The following MACROD2 variants were observed in gnomAD, a reference collection of about 807,000 sequenced individuals.
MACROD2 encodes the protein mono-ADP ribosylhydrolase 2.
Under a neutral mutation model 70.4 loss-of-function variants are expected in MACROD2, and 36 were observed. That is an observed-to-expected ratio of 0.51 (90% confidence interval 0.39 to 0.68). The LOEUF (loss-of-function observed/expected upper bound fraction) is 0.68, where lower values mean the gene tolerates loss of function less well. Among genes scored for constraint, MACROD2 ranks in the 30% least tolerant of loss-of-function variants. The probability of loss-of-function intolerance (pLI) is 0.00; values close to 1 mark genes in which losing one functional copy is unlikely to be tolerated. For synonymous variants in MACROD2, 172 were observed against 178.8 expected, an observed-to-expected ratio of 0.96 and a Z score of 0.30; for missense variants, 496 against 538.4, an observed-to-expected ratio of 0.92 and a Z score of 0.78.
intron 5 of MACROD2, among the ~76,000 whole-genome samples, chr20:15,048,798 C>CCCAT (rs1327287477): frequency 1.3e-5 from 2 of 152,030 alleles, no homozygotes; most frequent in African/African-American, 4.8e-5. Context: ...TCAACATACC[C>CCCAT]CCATCCACAT....
chr20:15,053,516 C>T (rs961282988), intron 5 of MACROD2, among the ~76,000 whole-genome samples: 4 of 152,042 alleles, frequency 2.6e-5, no homozygotes, highest in Non-Finnish European at 1.5e-5. Context: ...CATCTGTTTA[C>T]AGCATGGTTA....
chr20:14,858,584 C>T (rs1308345664), intron 5 of MACROD2, among the ~76,000 whole-genome samples: 3 of 152,132 alleles, frequency 2.0e-5, no homozygotes, highest in Non-Finnish European at 4.4e-5. Context: ...TATCCTTTAA[C>T]ATCCAGACTA....
chr20:15,959,224 G>A (rs983206928), intron 12 of MACROD2, among the ~76,000 whole-genome samples: 2 of 152,116 alleles, frequency 1.3e-5, no homozygotes, highest in Non-Finnish European at 2.9e-5. Context: ...CTCAGTTTAT[G>A]AGGCAAAACA....
intron 8 of MACROD2, among the ~76,000 whole-genome samples, chr20:15,504,503 C>T (rs6079855): frequency 0.73 from 111,360 of 152,056 alleles, 40,941 homozygotes; most frequent in African/African-American, 0.79. Flanking sequence ...TACTGAGAAC[C>T]GAATTATTGC....
At chr20:14,218,047 T>C (rs2081638699) in intron 3 of MACROD2, among the ~76,000 whole-genome samples, 1 of 152,214 alleles carries the variant, frequency 6.6e-6, no homozygotes, top group Admixed American at 6.5e-5. Flanking sequence ...TTCCAAGATA[T>C]AGTTTAAATC....
At chr20:15,649,227 TTTCTTTCTTTCTTTCTTTC>T (rs1369061637) in intron 8 of MACROD2, among the ~76,000 whole-genome samples, 2 of 147,994 alleles carry the variant, frequency 1.4e-5, no homozygotes, top group African/African-American at 5.0e-5. Flanking sequence ...TCTTTCTTTC[TTTCTTTCTTTCTTTCTTTC>T]TTCTTTTTCA....
Position 14,085,983 on chromosome 20 carries a change from A to G in MACROD2, c.271+255A>G, listed in dbSNP as rs539937529. ...TACTGCACCACTGGAGAAGTGACAG[A>G]TTGTTGCAGAAAGTTCTTCAGAAAG... On this transcript the variant is annotated intron_variant, in intron 3 of 17. Coordinates refer to ENST00000684519, the MANE Select transcript of MACROD2 (RefSeq NM_001351661.2). Among the ~76,000 whole-genome samples the G allele has an allele frequency of 3.3e-5, 5 of 152,300 alleles. No homozygotes were observed. In the South Asian group the frequency reaches 1.0e-3, roughly 32 times the overall value.
Position 14,952,875 on chromosome 20 carries a change from C to G in MACROD2, c.418+267916C>G, listed in dbSNP as rs188285373. On this transcript the variant is annotated intron_variant, in intron 5 of 17. Coordinates refer to ENST00000684519, the MANE Select transcript of MACROD2 (RefSeq NM_001351661.2). ...TTCTCCTAAAACAATAGAAAGTATA[C>G]TCATTGCATATTTCTTTAAGACAGG... Among the ~76,000 whole-genome samples the G allele has an allele frequency of 4.6e-5, 7 of 152,098 alleles. No homozygotes were observed. In the East Asian group the frequency reaches 1.4e-3, roughly 29 times the overall value.
intron 8 of MACROD2, among the ~76,000 whole-genome samples, chr20:15,654,284 C>T (rs907925386): frequency 3.3e-5 from 5 of 152,152 alleles, no homozygotes; most frequent in Non-Finnish European, 7.3e-5. Context: ...TGAGCTCCAC[C>T]TTTACCATAG....
intron 8 of MACROD2, among the ~76,000 whole-genome samples, chr20:15,767,457 A>G (rs1164140646): frequency 6.6e-6 from 1 of 152,202 alleles, no homozygotes; most frequent in East Asian, 1.9e-4. Flanking sequence ...GCTTTTTCTG[A>G]TTCTTACAAA....
chr20:15,139,876 T>C (rs2076178741), intron 5 of MACROD2, among the ~76,000 whole-genome samples: 1 of 152,196 alleles, frequency 6.6e-6, no homozygotes, highest in Non-Finnish European at 1.5e-5. Flanking sequence ...AGAGACTGGG[T>C]TGCAGCTGAC....
chr20:15,668,574 A>G (rs1019039078), intron 8 of MACROD2, among the ~76,000 whole-genome samples: 1 of 151,600 alleles, frequency 6.6e-6, no homozygotes, highest in Non-Finnish European at 1.5e-5. Flanking sequence ...TCTGAAAAAT[A>G]AAATAAAAAA....
chr20:15,412,994 T>C (rs962520116), intron 6 of MACROD2, among the ~76,000 whole-genome samples: 4 of 152,174 alleles, frequency 2.6e-5, no homozygotes, highest in Non-Finnish European at 5.9e-5. Context: ...AACTAGAAAA[T>C]ACTGCATATT....
chr20:15,716,299 T>G (rs549922296), intron 8 of MACROD2, among the ~76,000 whole-genome samples: 56 of 152,360 alleles, frequency 3.7e-4, no homozygotes, highest in East Asian at 1.2e-3. Context: ...CGAATGGTTT[T>G]ATTCTGTAGT....
intron 3 of MACROD2, among the ~76,000 whole-genome samples, chr20:14,484,844 A>G (rs2123081912): frequency 6.6e-6 from 1 of 152,256 alleles, no homozygotes; most frequent in East Asian, 1.9e-4. Context: ...TCATCTGTTG[A>G]TGGATGCTTA....
chr20:14,141,025 G>A (rs1183483613), intron 3 of MACROD2, among the ~76,000 whole-genome samples: 1 of 152,158 alleles, frequency 6.6e-6, no homozygotes, highest in Non-Finnish European at 1.5e-5. Flanking sequence ...AATCTCTTCT[G>A]TTCCCTAATT....
chr20:14,056,986 A>G (rs1405486436), intron 2 of MACROD2, among the ~76,000 whole-genome samples: 1 of 152,082 alleles, frequency 6.6e-6, no homozygotes, highest in Non-Finnish European at 1.5e-5. Flanking sequence ...TCTTCATAAT[A>G]TATTTTATTC....
At chr20:15,784,865 T>C (rs1444048626) in intron 8 of MACROD2, among the ~76,000 whole-genome samples, 1 of 151,808 alleles carries the variant, frequency 6.6e-6, no homozygotes, top group Non-Finnish European at 1.5e-5. Context: ...AATCACGGAG[T>C]AGGCCGGGTG....
At chr20:15,057,544 T>C (rs2123069756) in intron 5 of MACROD2, among the ~76,000 whole-genome samples, 1 of 152,344 alleles carries the variant, frequency 6.6e-6, no homozygotes, top group African/African-American at 2.4e-5. Flanking sequence ...AGACTTCTCC[T>C]GCATATAACT....
Sources: allele counts gnomAD v4.1 joint callset (sites outside exome capture counted in the v4.1 genomes callset), GRCh38; gene constraint gnomAD v4.1.1; transcripts MANE v1.5; gene names NCBI Gene and HGNC (gene_info 2026-07-23, HGNC 2026-07-21).